The following ITSN1 variants were observed in gnomAD, a reference collection of about 807,000 sequenced individuals.
The protein encoded by ITSN1 is intersectin 1.
A neutral mutation model predicts 239.8 loss-of-function variants in ITSN1; 58 were observed. The ratio of observed to expected loss-of-function variants is 0.24; its 90% CI spans 0.20 to 0.30. The LOEUF (loss-of-function observed/expected upper bound fraction) is 0.30, where lower values mean the gene tolerates loss of function less well. ITSN1 is among the 10% of genes least tolerant of loss of function. The pLI is 1.00. For synonymous variants in ITSN1, 780 were observed against 770.8 expected (o/e 1.01, Z -0.20); for missense variants, 1,558 against 2,103.3 (o/e 0.74, Z 5.07).
chr21:33,800,078 C>A, intron 19 of ITSN1, 149 bp downstream of exon 19: 1 of 692,740 alleles, frequency 1.4e-6, no homozygotes. Context: ...GCTCAATCTT[C>A]TTTCTTTTCT....
In ITSN1 at chr21:33,797,252, C is replaced by T; in HGVS notation, c.1953-127C>T. 1.4e-6 allele frequency: 1 copy of T among 728,166 alleles called. No homozygotes were observed. Among genetic ancestry groups the T allele is most frequent in the South Asian group, 1.8e-5 (1 of 55,522 alleles). The allele number at this position is 728,166 out of a possible 1,614,324, so 45.1% of individuals were successfully genotyped here. On this transcript the variant is annotated intron_variant, in intron 17 of 39. Transcript: ENST00000381318. This position sits in a 1 kb window ranked among gnomAD's most constrained non-coding sequence, Gnocchi z 4.9. ...TGGAGCCCTGATTCAGTTGCCCCAT[C>T]TGAACAACAATGTTCCCTTGATGTT... is the stretch of plus-strand genomic sequence containing the variant.
chr21:33,841,731 T>C (rs2074830657), intron 29 of ITSN1, among the ~76,000 whole-genome samples: 1 of 152,202 alleles, frequency 6.6e-6, no homozygotes, highest in Non-Finnish European at 1.5e-5. Context: ...TTAATCCTAT[T>C]CATTCTCTTT....
At chr21:33,805,082 A>G (rs1312057755) in intron 20 of ITSN1, among the ~76,000 whole-genome samples, 1 of 152,062 alleles carries the variant, frequency 6.6e-6, no homozygotes, top group Non-Finnish European at 1.5e-5. Flanking sequence ...GATTCTGAGA[A>G]CTCTACTGCA....
intron 1 of ITSN1, among the ~76,000 whole-genome samples, chr21:33,675,103 T>G (rs1334256553): frequency 2.0e-5 from 3 of 152,230 alleles, no homozygotes. Flanking sequence ...AACCTAATTT[T>G]TTCAGTCACT....
At chr21:33,816,123 G>A (rs1044735807) in intron 22 of ITSN1, among the ~76,000 whole-genome samples, 1 of 152,048 alleles carries the variant, frequency 6.6e-6, no homozygotes, top group South Asian at 2.1e-4. Context: ...AACCTGGGAA[G>A]TGGAGGTTGT....
chr21:33,771,827 A>G (rs939150065), intron 11 of ITSN1, among the ~76,000 whole-genome samples: 1 of 152,330 alleles, frequency 6.6e-6, no homozygotes, highest in Middle Eastern at 3.4e-3. Context: ...ATGGTGATGT[A>G]GAACTGCTAG....
rs570908862 is a variant in ITSN1 at position 33,665,964 on chromosome 21, T to G, written c.-33+23251T>G. On this transcript the variant is annotated intron_variant, in intron 1 of 39. Coordinates refer to ENST00000381318, the MANE Select transcript of ITSN1 (RefSeq NM_003024.3). ...TTTTTTTTGAGAGGGAGTCTCGCTCTGTTGCCCAGGCTGAAGTGCAGTGGC... is the reference window on the plus strand; with the variant it reads ...TTTTTTTTGAGAGGGAGTCTCGCTCGGTTGCCCAGGCTGAAGTGCAGTGGC... 2.2e-3 allele frequency among the ~76,000 whole-genome samples: 341 copies of G among 151,846 alleles called. 1 individual carries two copies. Among genetic ancestry groups the G allele is most frequent in the African/African-American group, 8.0e-3 (332 of 41,370 alleles).
At chr21:33,688,047 T>C (rs781127434) in intron 1 of ITSN1, among the ~76,000 whole-genome samples, 15 of 151,966 alleles carry the variant, frequency 9.9e-5, no homozygotes, top group Non-Finnish European at 2.1e-4. Flanking sequence ...TTTTATGATA[T>C]AAAGTTTTCA....
intron 34 of ITSN1, 48 bp downstream of exon 34, chr21:33,875,569 C>T (rs933130): frequency 3.2e-6 from 5 of 1,571,838 alleles, no homozygotes; most frequent in Non-Finnish European, 4.3e-6. Context: ...CAGAGCCTCG[C>T]CTGCCAGCCT....
intron 29 of ITSN1, among the ~76,000 whole-genome samples, chr21:33,840,372 A>ATT: frequency 6.8e-6 from 1 of 147,932 alleles, no homozygotes; most frequent in South Asian, 2.2e-4. Flanking sequence ...TTGTTTTTTA[A>ATT]TTTTTTTTTT....
intron 1 of ITSN1, among the ~76,000 whole-genome samples, chr21:33,702,946 C>T (rs1213237007): frequency 3.9e-5 from 6 of 151,914 alleles, no homozygotes; most frequent in East Asian, 1.9e-4. Context: ...GCATGATGGC[C>T]GGTGCCTGTA....
intron 38 of ITSN1, 124 bp downstream of exon 38, chr21:33,885,646 T>C (rs1400376018): frequency 2.7e-6 from 2 of 734,802 alleles, no homozygotes; most frequent in East Asian, 2.5e-5. Context: ...CCTTCCAGAA[T>C]TGGTTTAACT....
At chr21:33,666,129 C>T (rs572940533) in intron 1 of ITSN1, among the ~76,000 whole-genome samples, 1 of 152,242 alleles carries the variant, frequency 6.6e-6, no homozygotes, top group South Asian at 2.1e-4. Flanking sequence ...CAGGGTTTCA[C>T]CATGTTGGTC....
intron 38 of ITSN1, among the ~76,000 whole-genome samples, chr21:33,886,056 A>G (rs774592653): frequency 6.6e-6 from 1 of 152,032 alleles, no homozygotes; most frequent in Admixed American, 6.6e-5. Context: ...AAAATATAAA[A>G]AATTAGCCAG....
intron 1 of ITSN1, among the ~76,000 whole-genome samples, chr21:33,687,244 A>G (rs1244898679): frequency 6.6e-6 from 1 of 151,644 alleles, no homozygotes; most frequent in Admixed American, 6.6e-5. Flanking sequence ...AGAAAAAAAA[A>G]AAAATTATTT....
At chr21:33,751,752 A>C in intron 6 of ITSN1, 58 bp from the exon 7 acceptor site, 5 of 1,332,210 alleles carry the variant, frequency 3.8e-6, no homozygotes, top group Non-Finnish European at 5.3e-6. Context: ...ATTTTTGTAA[A>C]TTGGGGAAAG....
rs946887789 is a variant in ITSN1, at chr21:33,802,302, T to G, written c.2305-128T>G. ...TGTAATCCTAGGCCTGTTGAAACCT[T>G]TTCCTCGAATTGGCTAGTTAACCAC... On this transcript the variant is annotated intron_variant, in intron 19 of 39. Coordinates refer to ENST00000381318, the MANE Select transcript of ITSN1 (RefSeq NM_003024.3). The G allele has an allele frequency of 2.4e-5, 21 of 861,240 alleles. No homozygotes were observed. In the African/African-American group the frequency reaches 2.5e-4, roughly 10 times the overall value. 53.3% of individuals were successfully genotyped at this position (861,240 alleles called of 1,614,324 possible). A position where few individuals can be genotyped will look rare whatever the true frequency, so the allele number is the denominator to read the frequency against.
chr21:33,784,751 T>G (rs2070513237), intron 16 of ITSN1, among the ~76,000 whole-genome samples: 1 of 152,230 alleles, frequency 6.6e-6, no homozygotes, highest in African/African-American at 2.4e-5. Context: ...TTGCCCACTT[T>G]TCTTTGTTGT....
At chr21:33,868,067 G>A (rs1408981118) in intron 33 of ITSN1, among the ~76,000 whole-genome samples, 1 of 152,208 alleles carries the variant, frequency 6.6e-6, no homozygotes, top group Non-Finnish European at 1.5e-5. Context: ...GAAAGGGACC[G>A]AGCCGGTTGC....
Sources: gnomAD v4.1 joint callset for allele counts (sites outside exome capture counted in the v4.1 genomes callset) on GRCh38, gnomAD v4.1.1 for gene constraint, Gnocchi (gnomAD v3.1) non-coding constraint, MANE v1.5 for transcripts, NCBI Gene and HGNC (gene_info 2026-07-23, HGNC 2026-07-21) for gene names.